The following PHLPP1 variants were observed in gnomAD, a reference collection of about 807,000 sequenced individuals.
The protein encoded by PHLPP1 is PH domain and leucine rich repeat protein phosphatase 1.
Under a neutral mutation model 117.2 loss-of-function variants are expected in PHLPP1, and 42 were observed. That is an observed-to-expected ratio of 0.36 (90% CI 0.28 to 0.46). The LOEUF is 0.46. Among genes scored for constraint, PHLPP1 ranks in the 20% least tolerant of loss-of-function variants. The probability of loss-of-function intolerance (pLI) is 1.00; values close to 1 mark genes in which losing one functional copy is unlikely to be tolerated. For synonymous variants in PHLPP1, 1,042 were observed against 970.7 expected (o/e 1.07, Z -1.37); for missense variants, 2,084 against 2,241.9 (o/e 0.93, Z 1.42).
In PHLPP1 at chr18:62,831,342, C is replaced by CT. The variant is rs11293256; in HGVS notation, c.1773+1124dup. ...GAGCAAATATTTTCTTTTTCTTTTT[C>CT]TTTTTTTTTTTTTGAGATGGAGTCT... On this transcript the variant is annotated intron_variant, in intron 2 of 16. Coordinates refer to ENST00000262719, the MANE Select transcript of PHLPP1 (RefSeq NM_194449.4). Among the ~76,000 whole-genome samples, 118 of 143,210 alleles carry CT rather than the reference C, an allele frequency of 8.2e-4. 1 individual carries two copies. The highest frequency in any genetic ancestry group is 1.6e-3 in the South Asian group (7 of 4,428). The allele number at this position is 143,210 out of a possible 152,430, so 94.0% of individuals were successfully genotyped here. A position where few individuals can be genotyped will look rare whatever the true frequency, so the allele number is the denominator to read the frequency against.
At chr18:62,919,633 A>G (rs1485918723) in intron 9 of PHLPP1, among the ~76,000 whole-genome samples, 1 of 152,232 alleles carries the variant, frequency 6.6e-6, no homozygotes, top group Non-Finnish European at 1.5e-5. Context: ...ACAATACAAG[A>G]TACAAGCCCT....
At chr18:62,904,130 G>T (rs950725528) in intron 7 of PHLPP1, among the ~76,000 whole-genome samples, 1 of 152,194 alleles carries the variant, frequency 6.6e-6, no homozygotes, top group African/African-American at 2.4e-5. Context: ...CCTCAAATAG[G>T]TATATTTTCT....
chr18:62,812,794 CA>C (rs571244920), intron 1 of PHLPP1, among the ~76,000 whole-genome samples: 148 of 151,384 alleles, frequency 9.8e-4, no homozygotes, highest in Non-Finnish European at 1.8e-3. Flanking sequence ...CTGAAGTCTA[CA>C]AAAGTGATGG....
chr18:62,797,295 A>C (rs540199318), intron 1 of PHLPP1, among the ~76,000 whole-genome samples: 1 of 152,312 alleles, frequency 6.6e-6, no homozygotes, highest in South Asian at 2.1e-4. Flanking sequence ...GTTTGAGGCC[A>C]CTGTGTGTCA....
At chr18:62,807,217 G>A (rs141070665) in intron 1 of PHLPP1, among the ~76,000 whole-genome samples, 1 of 151,970 alleles carries the variant, frequency 6.6e-6, no homozygotes, top group Non-Finnish European at 1.5e-5. Flanking sequence ...TTGTTACATA[G>A]TTATTGAGAG....
chr18:62,894,987 T>G (rs1916514689), intron 4 of PHLPP1, 24 bp from the exon 5 acceptor site: 1 of 1,555,408 alleles, frequency 6.4e-7, no homozygotes, highest in Non-Finnish European at 8.8e-7. Context: ...CTTTTTTCCC[T>G]TTTGTTTTGC....
chr18:62,720,123 T>C (rs1475055030), intron 1 of PHLPP1, among the ~76,000 whole-genome samples: 1 of 152,194 alleles, frequency 6.6e-6, no homozygotes, highest in African/African-American at 2.4e-5. Flanking sequence ...GTATTTAATA[T>C]CCTTTTAAAA....
intron 1 of PHLPP1, among the ~76,000 whole-genome samples, chr18:62,828,897 G>T (rs981770981): frequency 1.3e-5 from 2 of 152,120 alleles, no homozygotes; most frequent in African/African-American, 4.8e-5. Flanking sequence ...CAGAGGCTTT[G>T]GTACTCTGAA....
At chr18:62,740,906 G>A (rs1457877901) in intron 1 of PHLPP1, among the ~76,000 whole-genome samples, 3 of 152,028 alleles carry the variant, frequency 2.0e-5, no homozygotes, top group South Asian at 2.1e-4. Context: ...CCTGGGAGGC[G>A]GAGGTTGCAG....
At chr18:62,882,414 G>A (rs951976486) in intron 4 of PHLPP1, among the ~76,000 whole-genome samples, 3 of 152,042 alleles carry the variant, frequency 2.0e-5, no homozygotes, top group Admixed American at 6.5e-5. Context: ...GACTACAGGC[G>A]CCCGCCACCG....
At position 62,715,678 on chromosome 18, in the gene PHLPP1, A is replaced by C. The variant is rs1910694985; in HGVS notation, c.-6A>C. On this transcript the variant is annotated 5_prime_UTR_variant, in exon 1 of 17. Coordinates refer to ENST00000262719, the MANE Select transcript of PHLPP1 (RefSeq NM_194449.4). ...AGCTGGGGGGGAAACGCGAAGCCCC[A>C]CTGCAATGGAGCCCGCCGCCGCGGC... 1 of 1,279,234 alleles carries C rather than the reference A, an allele frequency of 7.8e-7. No individual in the cohort carries two copies. The highest frequency in any genetic ancestry group is 9.9e-7 in the Non-Finnish European group (1 of 1,010,856). The allele number at this position is 1,279,234 out of a possible 1,614,324, so 79.2% of individuals were successfully genotyped here. A position where few individuals can be genotyped will look rare whatever the true frequency, so the allele number is the denominator to read the frequency against.
At chr18:62,899,452 A>G (rs1413920660) in intron 6 of PHLPP1, among the ~76,000 whole-genome samples, 1 of 151,558 alleles carries the variant, frequency 6.6e-6, no homozygotes, top group Admixed American at 6.6e-5. Flanking sequence ...TCCCATGTAC[A>G]CCTGTTCCAT....
intron 1 of PHLPP1, among the ~76,000 whole-genome samples, chr18:62,788,653 T>G (rs2144286914): frequency 6.6e-6 from 1 of 152,338 alleles, no homozygotes; most frequent in East Asian, 1.9e-4. Flanking sequence ...GTACATCTTA[T>G]GTTTTTCAAA....
chr18:62,806,526 G>A (rs1238209604), intron 1 of PHLPP1, among the ~76,000 whole-genome samples: 1 of 152,068 alleles, frequency 6.6e-6, no homozygotes, highest in Non-Finnish European at 1.5e-5. Context: ...TGCTGTTCTT[G>A]TTGGTCCTAA....
At chr18:62,772,994 A>G (rs1912841534) in intron 1 of PHLPP1, among the ~76,000 whole-genome samples, 2 of 151,934 alleles carry the variant, frequency 1.3e-5, no homozygotes, top group South Asian at 4.2e-4. Context: ...AGTACAATGG[A>G]CCTTTATGGT....
chr18:62,787,477 G>A (rs1321577418), intron 1 of PHLPP1, among the ~76,000 whole-genome samples: 6 of 152,096 alleles, frequency 3.9e-5, no homozygotes, highest in Non-Finnish European at 8.8e-5. Flanking sequence ...CTAAAGCATC[G>A]TTTTGAAGGG....
intron 3 of PHLPP1, among the ~76,000 whole-genome samples, chr18:62,854,513 C>G (rs762040772): frequency 6.6e-6 from 1 of 152,140 alleles, no homozygotes; most frequent in African/African-American, 2.4e-5. Flanking sequence ...TGTCTCTGAC[C>G]ACCTTGTCTT....
chr18:62,878,698 G>A (rs1835986990), intron 4 of PHLPP1, among the ~76,000 whole-genome samples: 1 of 152,002 alleles, frequency 6.6e-6, no homozygotes, highest in African/African-American at 2.4e-5. Context: ...GAAAACCTTG[G>A]GGAAAGGCTG....
At chr18:62,900,692 C>A (rs1203064664) in intron 6 of PHLPP1, among the ~76,000 whole-genome samples, 1 of 151,824 alleles carries the variant, frequency 6.6e-6, no homozygotes, top group Non-Finnish European at 1.5e-5. Flanking sequence ...CTCAAACGAA[C>A]CTTCTACTTC....
Sources: gnomAD v4.1 joint callset for allele counts (sites outside exome capture counted in the v4.1 genomes callset) on GRCh38, gnomAD v4.1.1 for gene constraint, MANE v1.5 for transcripts, NCBI Gene and HGNC (gene_info 2026-07-23, HGNC 2026-07-21) for gene names.